The following TBC1D12 variants were observed in gnomAD, a reference collection of about 807,000 sequenced individuals.
The protein encoded by TBC1D12 is TBC1 domain family member 12.
A neutral mutation model predicts 86.7 loss-of-function variants in TBC1D12; 56 were observed. The observed-to-expected ratio is 0.65, with a 90% CI of 0.52 to 0.81. TBC1D12 has a LOEUF of 0.81. Among genes scored for constraint, TBC1D12 ranks in the 30% least tolerant of loss-of-function variants. TBC1D12 has a pLI of 0.00. For synonymous variants in TBC1D12, 421 were observed against 411.7 expected, an observed-to-expected ratio of 1.02 and a Z score of -0.27; for missense variants, 1,023 against 1,038.8, an observed-to-expected ratio of 0.98 and a Z score of 0.21.
intron 2 of TBC1D12, among the ~76,000 whole-genome samples, chr10:94,460,720 T>A (rs1355181609): frequency 6.6e-6 from 1 of 152,070 alleles, no homozygotes; most frequent in East Asian, 1.9e-4. Flanking sequence ...TTTCCTCCCC[T>A]CTCTCTTGTC....
chr10:94,420,528 C>A (rs1190071632), intron 1 of TBC1D12, among the ~76,000 whole-genome samples: 1 of 152,212 alleles, frequency 6.6e-6, no homozygotes, highest in East Asian at 1.9e-4. Flanking sequence ...CAGTCACTTC[C>A]ATCCTGCCTT....
At chr10:94,432,130 G>C (rs2055225372) in intron 1 of TBC1D12, among the ~76,000 whole-genome samples, 1 of 152,118 alleles carries the variant, frequency 6.6e-6, no homozygotes, top group Admixed American at 6.5e-5. Context: ...GGAAGAGAGA[G>C]AGAGTGAGTG....
At chr10:94,440,343 T>TG (rs1241157170) in intron 1 of TBC1D12, among the ~76,000 whole-genome samples, 1 of 152,048 alleles carries the variant, frequency 6.6e-6, no homozygotes, top group Non-Finnish European at 1.5e-5. Context: ...CTATTTTTTT[T>TG]AATTTTTATT....
At chr10:94,510,062 T>C (rs1331574320) in intron 7 of TBC1D12, 29 bp from the exon 8 acceptor site, 3 of 1,561,064 alleles carry the variant, frequency 1.9e-6, no homozygotes, top group Non-Finnish European at 2.6e-6. Context: ...CAAGTGATCA[T>C]TTAAATTGTA....
intron 2 of TBC1D12, among the ~76,000 whole-genome samples, chr10:94,465,807 T>TAC: frequency 7.7e-6 from 1 of 129,666 alleles, no homozygotes; most frequent in African/African-American, 2.8e-5. Flanking sequence ...TACATACATA[T>TAC]ACGCATACAT....
intron 7 of TBC1D12, among the ~76,000 whole-genome samples, chr10:94,508,142 T>G (rs1275677769): frequency 2.0e-5 from 3 of 152,214 alleles, no homozygotes; most frequent in East Asian, 1.9e-4. Flanking sequence ...CATTGTCTTT[T>G]TAAATATTGC....
rs1184669616 is a variant in TBC1D12, at chr10:94,402,841, G to T, written c.228G>T (p.Ala76=). The change falls in exon 1 of 13, where the codon GCG becomes GCT. Residue 76 remains alanine (A), a synonymous_variant. Transcript: ENST00000225235. ...AGCTCCTTCAGCGTTACCTCGCGGC[G>T]GCCGGGGAGCAGCTGGAGCCGGGGC... ...PRQLLQRYLA[A]AGEQLEPGLC... is the part of the protein sequence containing the mutation. The T allele has an allele frequency of 2.0e-5, 30 of 1,537,024 alleles. No homozygotes were observed. Among genetic ancestry groups the T allele is most frequent in the Non-Finnish European group, 2.6e-5 (30 of 1,142,182 alleles).
chr10:94,494,138 T>G (rs932925844), intron 4 of TBC1D12, among the ~76,000 whole-genome samples: 1 of 152,146 alleles, frequency 6.6e-6, no homozygotes, highest in Non-Finnish European at 1.5e-5. Flanking sequence ...AGTATACTCT[T>G]GTGTGTATAA....
intron 1 of TBC1D12, among the ~76,000 whole-genome samples, chr10:94,440,803 T>C (rs1016705577): frequency 2.6e-5 from 4 of 152,234 alleles, no homozygotes; most frequent in African/African-American, 9.6e-5. Context: ...GTATCATCCC[T>C]GCTTACATAA....
intron 1 of TBC1D12, 72 bp downstream of exon 1, chr10:94,403,656 C>T (rs1219745490): frequency 8.6e-6 from 11 of 1,274,226 alleles, no homozygotes; most frequent in Non-Finnish European, 6.9e-6. Context: ...TGGTGGGAGT[C>T]GGAGCCGGAG....
At chr10:94,424,297 G>C (rs1406411105) in intron 1 of TBC1D12, among the ~76,000 whole-genome samples, 1 of 152,072 alleles carries the variant, frequency 6.6e-6, no homozygotes, top group Non-Finnish European at 1.5e-5. Context: ...TTAATGCTAG[G>C]GTAAATAATT....
chr10:94,454,499 C>G (rs2055596999), intron 2 of TBC1D12, among the ~76,000 whole-genome samples: 1 of 152,232 alleles, frequency 6.6e-6, no homozygotes, highest in Non-Finnish European at 1.5e-5. Flanking sequence ...GCGTGAGCCA[C>G]TGCGCCCGGC....
chr10:94,532,082 G>T (rs970596372), intron 12 of TBC1D12, among the ~76,000 whole-genome samples: 1 of 151,326 alleles, frequency 6.6e-6, no homozygotes, highest in African/African-American at 2.4e-5. Context: ...GGGTTTCACT[G>T]TGTTAGCCAG....
intron 2 of TBC1D12, among the ~76,000 whole-genome samples, chr10:94,459,334 A>G (rs1367732585): frequency 6.6e-6 from 1 of 152,186 alleles, no homozygotes; most frequent in Non-Finnish European, 1.5e-5. Flanking sequence ...ACAAACCCTG[A>G]GCTAGACACA....
At chr10:94,480,695 A>AAT (rs1554943703) in intron 3 of TBC1D12, among the ~76,000 whole-genome samples, 19 of 150,382 alleles carry the variant, frequency 1.3e-4, no homozygotes, top group East Asian at 1.2e-3. Context: ...CTACAAAAAA[A>AAT]ATATATATAT....
chr10:94,412,056 T>C (rs1438906926), intron 1 of TBC1D12, among the ~76,000 whole-genome samples: 1 of 152,192 alleles, frequency 6.6e-6, no homozygotes, highest in African/African-American at 2.4e-5. Flanking sequence ...CAGGATGGTA[T>C]GGTGCTTAAA....
chr10:94,442,465 G>C (rs1396036993), intron 2 of TBC1D12, among the ~76,000 whole-genome samples: 1 of 152,096 alleles, frequency 6.6e-6, no homozygotes, highest in Non-Finnish European at 1.5e-5. Flanking sequence ...TCACTTTTCT[G>C]GTGTCCTCTC....
chr10:94,416,262 C>G lies in TBC1D12; in HGVS notation c.971+12678C>G, dbSNP rs544036861. 2.0e-5 allele frequency among the ~76,000 whole-genome samples: 3 copies of G among 152,352 alleles called. No homozygotes were observed. The South Asian group carries it at 6.2e-4, about 32-fold the overall frequency. On this transcript the variant is annotated intron_variant, in intron 1 of 12. Coordinates refer to ENST00000225235, the MANE Select transcript of TBC1D12 (RefSeq NM_015188.2). ...AAGCAAAGCACCAGCAACTACCATA[C>G]AGCTAAGTGTGTGCTTTTTATTCTC... is the stretch of plus-strand genomic sequence containing the variant.
rs183763214 is a variant in TBC1D12 at position 94,413,356 on chromosome 10, T to A, written c.971+9772T>A. Among the ~76,000 whole-genome samples, 576 of 152,334 alleles carry A rather than the reference T, an allele frequency of 3.8e-3. 2 individuals carry two copies. Among genetic ancestry groups the A allele is most frequent in the African/African-American group, 0.013 (552 of 41,582 alleles). On this transcript the variant is annotated intron_variant, in intron 1 of 12. Coordinates refer to ENST00000225235, the MANE Select transcript of TBC1D12 (RefSeq NM_015188.2). ...CTGTCTTGTGAAAAGCTTTAACTTGTAAGATTTTCCTCAGGTCTACTCAGT... is the reference window on the plus strand; with the variant it reads ...CTGTCTTGTGAAAAGCTTTAACTTGAAAGATTTTCCTCAGGTCTACTCAGT...
Sources: allele counts gnomAD v4.1 joint callset (sites outside exome capture counted in the v4.1 genomes callset), GRCh38; gene constraint gnomAD v4.1.1; transcripts MANE v1.5; gene names NCBI Gene and HGNC (gene_info 2026-07-23, HGNC 2026-07-21).